The following EYS variants were observed in gnomAD, a reference collection of about 807,000 sequenced individuals.
EYS encodes protein eyes shut homolog.
In EYS, 250 loss-of-function variants were observed where a neutral mutation model predicts 282.1. The ratio of observed to expected loss-of-function variants is 0.89; its 90% CI spans 0.80 to 0.98. EYS has a LOEUF of 0.98. Ranked by LOEUF, EYS falls within the 50% of genes least tolerant of loss-of-function variation. The probability of loss-of-function intolerance (pLI) is 0.00; values close to 1 mark genes in which losing one functional copy is unlikely to be tolerated. For missense variants in EYS, 4,016 were observed against 3,709.0 expected, an observed-to-expected ratio of 1.08 and a Z score of -2.15; for synonymous variants, 1,355 against 1,282.9, an observed-to-expected ratio of 1.06 and a Z score of -1.20.
intron 11 of EYS, among the ~76,000 whole-genome samples, chr6:65,314,942 G>A (rs1223028926): frequency 1.3e-5 from 2 of 152,120 alleles, no homozygotes; most frequent in South Asian, 2.1e-4. Flanking sequence ...GATTGATAAA[G>A]TAAATCATAT....
At chr6:65,475,859 C>T (rs1340856464) in intron 5 of EYS, among the ~76,000 whole-genome samples, 4 of 151,526 alleles carry the variant, frequency 2.6e-5, no homozygotes, top group Non-Finnish European at 4.4e-5. Context: ...AAATTTATTC[C>T]ATTTTTAAAA....
rs184033795 is a variant in EYS, at chr6:64,865,745, G to A, written c.2992+20952C>T. 4.6e-5 allele frequency among the ~76,000 whole-genome samples: 7 copies of A among 152,190 alleles called. No homozygotes were observed. In the East Asian group the frequency reaches 1.4e-3, roughly 29 times the overall value. On this transcript the variant is annotated intron_variant, in intron 19 of 42. Coordinates refer to ENST00000503581, the MANE Select transcript of EYS (RefSeq NM_001142800.2). ...TAAGAATGTAGAAACACAGATATCTGTTGGGAATCTAGATTTTAGGACTCA... is the reference window on the plus strand; with the variant it reads ...TAAGAATGTAGAAACACAGATATCTATTGGGAATCTAGATTTTAGGACTCA...
chr6:65,334,000 G>A (rs926786576), intron 11 of EYS, among the ~76,000 whole-genome samples: 5 of 151,042 alleles, frequency 3.3e-5, no homozygotes, highest in African/African-American at 1.2e-4. Context: ...ATACACACAC[G>A]TATACATAAA....
At chr6:63,897,349 A>G (rs1464212937) in intron 35 of EYS, among the ~76,000 whole-genome samples, 1 of 152,138 alleles carries the variant, frequency 6.6e-6, no homozygotes, top group African/African-American at 2.4e-5. Context: ...AAATCTTGAG[A>G]TGGGGAGACT....
At chr6:65,021,906 T>A (rs540800473) in intron 13 of EYS, among the ~76,000 whole-genome samples, 2 of 152,194 alleles carry the variant, frequency 1.3e-5, no homozygotes, top group East Asian at 3.9e-4. Context: ...CTTTATAAAA[T>A]CATCACACCT....
chr6:65,599,227 G>A (rs531332961), intron 2 of EYS, among the ~76,000 whole-genome samples: 1 of 151,804 alleles, frequency 6.6e-6, no homozygotes, highest in African/African-American at 2.4e-5. Flanking sequence ...TGTAATTATT[G>A]AAAAAAATCT....
chr6:63,730,973 A>G (rs1246033683), intron 41 of EYS, among the ~76,000 whole-genome samples: 1 of 152,186 alleles, frequency 6.6e-6, no homozygotes, highest in African/African-American at 2.4e-5. Context: ...GTGAGTTGAG[A>G]TCGCACCACT....
At chr6:65,019,022 C>T (rs1011554184) in intron 13 of EYS, among the ~76,000 whole-genome samples, 15 of 152,030 alleles carry the variant, frequency 9.9e-5, no homozygotes, top group African/African-American at 3.6e-4. Flanking sequence ...AAAATGGGGA[C>T]CAGAATAAGT....
intron 2 of EYS, among the ~76,000 whole-genome samples, chr6:65,512,214 C>T (rs184925053): frequency 3.3e-5 from 5 of 152,002 alleles, no homozygotes; most frequent in South Asian, 2.1e-4. Flanking sequence ...CATTGTAGGC[C>T]GGGCACGGTG....
intron 14 of EYS, among the ~76,000 whole-genome samples, chr6:64,957,283 G>C (rs765250695): frequency 6.6e-6 from 1 of 152,150 alleles, no homozygotes; most frequent in African/African-American, 2.4e-5. Context: ...AACATGGATG[G>C]AACTGGAGAT....
intron 30 of EYS, among the ~76,000 whole-genome samples, chr6:64,241,767 T>C (rs1014278560): frequency 1.3e-5 from 2 of 151,902 alleles, no homozygotes; most frequent in Non-Finnish European, 2.9e-5. Context: ...GCTTCTCTAG[T>C]TCTTTTAATT....
At chr6:63,871,869 C>T (rs963497245) in intron 35 of EYS, among the ~76,000 whole-genome samples, 4 of 152,114 alleles carry the variant, frequency 2.6e-5, no homozygotes, top group African/African-American at 9.7e-5. Context: ...TGTCTTCTTA[C>T]TCCTGCTGGA....
chr6:64,457,966 G>A (rs1054381100), intron 26 of EYS, among the ~76,000 whole-genome samples: 15 of 151,686 alleles, frequency 9.9e-5, no homozygotes, highest in Admixed American at 1.3e-4. Context: ...TTTGCTTTGT[G>A]GTTACCATGG....
At chr6:63,922,479 T>C (rs1266707109) in intron 35 of EYS, among the ~76,000 whole-genome samples, 7 of 151,990 alleles carry the variant, frequency 4.6e-5, no homozygotes, top group Non-Finnish European at 1.0e-4. Context: ...AGGAGAATCA[T>C]GTGAACCTGG....
chr6:65,050,885 T>C (rs1260000199), intron 13 of EYS, among the ~76,000 whole-genome samples: 8 of 151,728 alleles, frequency 5.3e-5, no homozygotes, highest in Non-Finnish European at 1.2e-4. Context: ...TACTCTGGCT[T>C]TCAACACACT....
At chr6:63,776,065 C>G (rs1210198056) in intron 40 of EYS, among the ~76,000 whole-genome samples, 1 of 151,900 alleles carries the variant, frequency 6.6e-6, no homozygotes, top group Non-Finnish European at 1.5e-5. Flanking sequence ...TGTATCTTTC[C>G]CCCTGTACAT....
At chr6:64,087,832 T>G (rs940853552) in intron 31 of EYS, among the ~76,000 whole-genome samples, 2 of 152,122 alleles carry the variant, frequency 1.3e-5, no homozygotes, top group African/African-American at 4.8e-5. Context: ...TATATATGAA[T>G]TAAATTATTT....
intron 33 of EYS, among the ~76,000 whole-genome samples, chr6:64,030,369 C>T (rs116081845): frequency 1.2e-3 from 187 of 152,276 alleles, no homozygotes; most frequent in African/African-American, 3.4e-3. Flanking sequence ...AGTGGAATGT[C>T]GACCCATATC....
chr6:64,645,228 A>T (rs1050576149), intron 22 of EYS, among the ~76,000 whole-genome samples: 1 of 152,216 alleles, frequency 6.6e-6, no homozygotes, highest in Admixed American at 6.5e-5. Context: ...TCATTATCCG[A>T]GCAATGAAAC....
Sources: allele counts gnomAD v4.1 joint callset (sites outside exome capture counted in the v4.1 genomes callset), GRCh38; gene constraint gnomAD v4.1.1; transcripts MANE v1.5; gene names NCBI Gene and HGNC (gene_info 2026-07-23, HGNC 2026-07-21).